Variants in ADARB2 observed in about 807,000 individuals in gnomAD.
ADARB2 encodes the protein adenosine deaminase RNA specific B2 (inactive).
Under a neutral mutation model 62.2 loss-of-function variants are expected in ADARB2, and 25 were observed. The observed-to-expected ratio is 0.40, with a 90% CI of 0.29 to 0.56. The LOEUF (loss-of-function observed/expected upper bound fraction) is 0.56, where lower values mean the gene tolerates loss of function less well. ADARB2 is among the 20% of genes least tolerant of loss of function. The pLI, the probability that ADARB2 is intolerant of heterozygous loss-of-function variation, is 0.43. For missense variants in ADARB2, 1,071 were observed against 1,077.4 expected (o/e 0.99, Z 0.08); for synonymous variants, 572 against 500.8 (o/e 1.14, Z -1.90).
chr10:1,460,009 C>CAAACCTGCCTGTGACCTGAGTTTACCTGT (rs1831149834), intron 1 of ADARB2, among the ~76,000 whole-genome samples: 1 of 60,230 alleles, frequency 1.7e-5, no homozygotes, highest in African/African-American at 6.8e-5. Flanking sequence ...AGTTTACCTG[C>CAAACCTGCCTGTGACCTGAGTTTACCTGT]GTAACAAACC....
At chr10:1,365,018 A>G (rs922806725) in intron 2 of ADARB2, among the ~76,000 whole-genome samples, 1 of 151,722 alleles carries the variant, frequency 6.6e-6, no homozygotes, top group Non-Finnish European at 1.5e-5. Flanking sequence ...GATTACAGGC[A>G]CCCACCACCA....
intron 1 of ADARB2, among the ~76,000 whole-genome samples, chr10:1,461,451 T>C (rs1405975301): frequency 6.6e-6 from 1 of 152,200 alleles, no homozygotes; most frequent in Non-Finnish European, 1.5e-5. Context: ...GACTTATTTC[T>C]CACCAAATGA....
intron 1 of ADARB2, among the ~76,000 whole-genome samples, chr10:1,456,693 C>G (rs911265227): frequency 1.3e-5 from 2 of 152,198 alleles, no homozygotes; most frequent in Non-Finnish European, 2.9e-5. Flanking sequence ...GTGGCCCTTT[C>G]TTGCCCTTTC....
intron 3 of ADARB2, among the ~76,000 whole-genome samples, chr10:1,307,171 G>A (rs554592245): frequency 7.8e-5 from 8 of 102,246 alleles, no homozygotes; most frequent in East Asian, 1.1e-3. Flanking sequence ...GAAAATTTTC[G>A]CAACCTACGC....
At chr10:1,543,439 C>A (rs907887056) in intron 1 of ADARB2, among the ~76,000 whole-genome samples, 2 of 152,220 alleles carry the variant, frequency 1.3e-5, no homozygotes, top group African/African-American at 4.8e-5. Context: ...TTTGATAGCT[C>A]ATTGTATCTA....
At chr10:1,307,378 A>C in intron 3 of ADARB2, among the ~76,000 whole-genome samples, 1 of 141,014 alleles carries the variant, frequency 7.1e-6, no homozygotes, top group Non-Finnish European at 1.5e-5. Context: ...AGCCACAATG[A>C]GATACCATCT....
intron 1 of ADARB2, among the ~76,000 whole-genome samples, chr10:1,576,061 G>A (rs1366250116): frequency 6.8e-6 from 1 of 147,992 alleles, no homozygotes. Flanking sequence ...GGTCACAGGA[G>A]GGGGCCCAGG....
chr10:1,229,702 T>G (rs568810439), intron 6 of ADARB2, among the ~76,000 whole-genome samples: 1 of 151,300 alleles, frequency 6.6e-6, no homozygotes, highest in African/African-American at 2.4e-5. Context: ...GCACATGTGC[T>G]TATGTATGCG....
At chr10:1,307,886 C>T (rs1220944021) in intron 3 of ADARB2, among the ~76,000 whole-genome samples, 1 of 127,474 alleles carries the variant, frequency 7.8e-6, no homozygotes, top group Non-Finnish European at 1.6e-5. Flanking sequence ...ACAATGAGAT[C>T]ACATGGACAC....
chr10:1,671,435 G>T (rs1036456767), intron 1 of ADARB2, among the ~76,000 whole-genome samples: 1 of 152,230 alleles, frequency 6.6e-6, no homozygotes, highest in Non-Finnish European at 1.5e-5. Context: ...CTATCAACCT[G>T]GAGATGTTCG....
chr10:1,249,171 G>T (rs569624128), intron 4 of ADARB2, among the ~76,000 whole-genome samples: 1 of 152,332 alleles, frequency 6.6e-6, no homozygotes, highest in East Asian at 1.9e-4. Context: ...CAGGCACACA[G>T]TGGTTCACAC....
At chr10:1,442,001 T>G (rs1488962522) in intron 1 of ADARB2, among the ~76,000 whole-genome samples, 1 of 152,230 alleles carries the variant, frequency 6.6e-6, no homozygotes, top group Non-Finnish European at 1.5e-5. Context: ...AAATTCAGTT[T>G]CAGTCTGATT....
At chr10:1,365,727 AAC>A (rs1324765691) in intron 2 of ADARB2, among the ~76,000 whole-genome samples, 1 of 152,220 alleles carries the variant, frequency 6.6e-6, no homozygotes, top group East Asian at 1.9e-4. Context: ...AGAATAAAGA[AAC>A]ACACACCTTA....
chr10:1,344,114 C>A (rs1193177662), intron 3 of ADARB2, among the ~76,000 whole-genome samples: 2 of 152,284 alleles, frequency 1.3e-5, no homozygotes, highest in South Asian at 4.1e-4. Context: ...CACCTGTGGC[C>A]GTGAGTCCTC....
intron 6 of ADARB2, among the ~76,000 whole-genome samples, chr10:1,230,137 A>G (rs144057221): frequency 0.02 from 3,067 of 151,954 alleles, 53 homozygotes; most frequent in Non-Finnish European, 0.032. Flanking sequence ...GCCCCCAGCA[A>G]AGGTCTCGGT....
intron 7 of ADARB2, among the ~76,000 whole-genome samples, chr10:1,207,074 C>T (rs945413226): frequency 1.3e-5 from 2 of 152,210 alleles, no homozygotes; most frequent in Admixed American, 6.5e-5. Context: ...AGGCCGGGCG[C>T]GGTGGCTCAC....
At chr10:1,613,550 C>T (rs548608201) in intron 1 of ADARB2, among the ~76,000 whole-genome samples, 28 of 152,296 alleles carry the variant, frequency 1.8e-4, no homozygotes, top group African/African-American at 6.3e-4. Context: ...AAGGAGTATA[C>T]AGCAGATGCT....
intron 1 of ADARB2, among the ~76,000 whole-genome samples, chr10:1,487,013 G>T (rs899622993): frequency 6.6e-6 from 1 of 152,246 alleles, no homozygotes; most frequent in African/African-American, 2.4e-5. Context: ...CTCATTGTGT[G>T]TGAGAATTAT....
intron 1 of ADARB2, among the ~76,000 whole-genome samples, chr10:1,465,369 C>T (rs936205396): frequency 3.9e-5 from 6 of 152,348 alleles, no homozygotes; most frequent in Admixed American, 3.9e-4. Flanking sequence ...GTTAACGATA[C>T]CTCAGTGAAA....
Sources: gnomAD v4.1 joint callset for allele counts (sites outside exome capture counted in the v4.1 genomes callset) on GRCh38, gnomAD v4.1.1 for gene constraint, MANE v1.5 for transcripts, NCBI Gene and HGNC (gene_info 2026-07-23, HGNC 2026-07-21) for gene names.